Variants in DDAH1 observed in about 807,000 individuals in gnomAD.
DDAH1 encodes dimethylarginine dimethylaminohydrolase 1, also known as N(G),N(G)-dimethylarginine dimethylaminohydrolase 1.
In DDAH1, 19 loss-of-function variants were observed where a neutral mutation model predicts 28.8. The ratio of observed to expected loss-of-function variants is 0.66; its 90% CI spans 0.46 to 0.97. DDAH1 has a LOEUF of 0.97. Among genes scored for constraint, DDAH1 ranks in the 50% least tolerant of loss-of-function variants. The probability of loss-of-function intolerance (pLI) is 0.00; values close to 1 mark genes in which losing one functional copy is unlikely to be tolerated. For missense variants in DDAH1, 326 were observed against 375.9 expected, an observed-to-expected ratio of 0.87 and a Z score of 1.10; for synonymous variants, 153 against 154.4, an observed-to-expected ratio of 0.99 and a Z score of 0.07.
chr1:85,336,401 A>G (rs1648121063), intron 4 of DDAH1, among the ~76,000 whole-genome samples: 2 of 152,184 alleles, frequency 1.3e-5, no homozygotes, highest in Non-Finnish European at 2.9e-5. Flanking sequence ...GAAAACTACA[A>G]ATACATGGAA....
chr1:85,338,816 G>T (rs1280737116), intron 4 of DDAH1, among the ~76,000 whole-genome samples: 2 of 151,762 alleles, frequency 1.3e-5, no homozygotes, highest in Non-Finnish European at 2.9e-5. Flanking sequence ...AGAGATGGGG[G>T]ATCATTTGAG....
chr1:85,488,397 T>C (rs1570601288), intron 2 of DDAH1: 2 of 152,276 alleles, frequency 1.3e-5, no homozygotes, highest in East Asian at 3.9e-4. Flanking sequence ...TGTCCTAACA[T>C]GCAGATAGAG....
At chr1:85,375,336 C>T (rs1209067953) in intron 1 of DDAH1, among the ~76,000 whole-genome samples, 1 of 152,038 alleles carries the variant, frequency 6.6e-6, no homozygotes, top group East Asian at 1.9e-4. Context: ...TCAACTCGAG[C>T]CCTCATTATC....
intron 1 of DDAH1, among the ~76,000 whole-genome samples, chr1:85,366,139 C>T (rs1455626032): frequency 6.6e-6 from 1 of 151,170 alleles, no homozygotes; most frequent in East Asian, 1.9e-4. Context: ...CAAATGGGAG[C>T]CTTAGTCCTA....
chr1:85,569,860 A>C (rs1033222304), intron 1 of DDAH1, among the ~76,000 whole-genome samples: 4 of 152,222 alleles, frequency 2.6e-5, no homozygotes, highest in African/African-American at 7.2e-5. Flanking sequence ...GTTGCTCTTC[A>C]GCTTCTCTTG....
At chr1:85,351,415 A>C (rs1570417152) in intron 3 of DDAH1, 91 bp downstream of exon 3, 2 of 1,021,800 alleles carry the variant, frequency 2.0e-6, no homozygotes, top group East Asian at 4.8e-5. Context: ...AGTGAAGCGT[A>C]AACACCATTA....
intron 2 of DDAH1, among the ~76,000 whole-genome samples, chr1:85,489,373 G>T (rs1656307335): frequency 6.6e-6 from 1 of 152,180 alleles, no homozygotes; most frequent in South Asian, 2.1e-4. Flanking sequence ...CAGGGATAAG[G>T]AGGGAAAAAT....
intron 1 of DDAH1, among the ~76,000 whole-genome samples, chr1:85,505,695 T>C (rs1656988593): frequency 1.3e-5 from 2 of 152,192 alleles, no homozygotes; most frequent in Admixed American, 1.3e-4. Flanking sequence ...GAAATAATAC[T>C]CTATTATCAT....
chr1:85,560,813 C>T (rs1440508001), intron 1 of DDAH1, among the ~76,000 whole-genome samples: 2 of 151,996 alleles, frequency 1.3e-5, no homozygotes, highest in African/African-American at 4.8e-5. Flanking sequence ...TGTATGTTAT[C>T]TAATGAGAAT....
At chr1:85,441,321 T>G (rs550953853) in intron 1 of DDAH1, among the ~76,000 whole-genome samples, 1 of 152,190 alleles carries the variant, frequency 6.6e-6, no homozygotes, top group African/African-American at 2.4e-5. Flanking sequence ...GGCAGGCAGG[T>G]CACGAGGTCA....
intron 4 of DDAH1, among the ~76,000 whole-genome samples, chr1:85,341,384 A>G (rs920821111): frequency 6.6e-6 from 1 of 152,250 alleles, no homozygotes; most frequent in African/African-American, 2.4e-5. Context: ...TATGAATTAG[A>G]AAATCATGTT....
chr1:85,374,703 AT>A (rs5775837), intron 1 of DDAH1, among the ~76,000 whole-genome samples: 24,229 of 150,586 alleles, frequency 0.16, 2,336 homozygotes, highest in Admixed American at 0.23. Context: ...TTTTATGAGA[AT>A]TTTTTTTTTG....
chr1:85,448,669 C>T (rs1654541607), intron 1 of DDAH1, among the ~76,000 whole-genome samples: 1 of 152,192 alleles, frequency 6.6e-6, no homozygotes, highest in African/African-American at 2.4e-5. Context: ...GCATCACTTC[C>T]TTTGTTCCTG....
At chr1:85,393,326 AAAAC>A (rs1349101708) in intron 1 of DDAH1, among the ~76,000 whole-genome samples, 1 of 152,216 alleles carries the variant, frequency 6.6e-6, no homozygotes, top group Non-Finnish European at 1.5e-5. Flanking sequence ...CTCAAAATAA[AAAAC>A]AAAATTTCAG....
chr1:85,506,142 A>G (rs1657009621), intron 1 of DDAH1, among the ~76,000 whole-genome samples: 1 of 152,234 alleles, frequency 6.6e-6, no homozygotes, highest in Non-Finnish European at 1.5e-5. Context: ...GCTGAGGTGC[A>G]CTAAAGAGAG....
chr1:85,378,226 C>T (rs1650787116), intron 1 of DDAH1, among the ~76,000 whole-genome samples: 1 of 152,212 alleles, frequency 6.6e-6, no homozygotes, highest in South Asian at 2.1e-4. Context: ...ATCTCCTCCT[C>T]CTCATAGTTT....
intron 1 of DDAH1, among the ~76,000 whole-genome samples, chr1:85,420,444 C>A (rs1300798219): frequency 6.6e-6 from 1 of 152,268 alleles, no homozygotes; most frequent in African/African-American, 2.4e-5. Flanking sequence ...GCAACCAGGG[C>A]ACATCTGGAG....
intron 1 of DDAH1, among the ~76,000 whole-genome samples, chr1:85,560,689 G>C (rs1420594447): frequency 6.6e-6 from 1 of 151,954 alleles, no homozygotes; most frequent in Non-Finnish European, 1.5e-5. Context: ...AACATTGGAA[G>C]TATATAGAAA....
intron 1 of DDAH1, among the ~76,000 whole-genome samples, chr1:85,518,401 G>A (rs556763109): frequency 6.6e-6 from 1 of 152,192 alleles, no homozygotes; most frequent in African/African-American, 2.4e-5. Context: ...GCTCGTTCAG[G>A]TGTTGGCAGA....
Sources: gnomAD v4.1 joint callset for allele counts (sites outside exome capture counted in the v4.1 genomes callset) on GRCh38, gnomAD v4.1.1 for gene constraint, MANE v1.5 for transcripts, NCBI Gene and HGNC (gene_info 2026-07-23, HGNC 2026-07-21) for gene names.